The following PDE10A variants were observed in gnomAD, a reference collection of about 807,000 sequenced individuals.
PDE10A encodes the protein cAMP and cAMP-inhibited cGMP 3',5'-cyclic phosphodiesterase 10A.
Under a neutral mutation model 97.7 loss-of-function variants are expected in PDE10A, and 39 were observed. The ratio of observed to expected loss-of-function variants is 0.40; its 90% CI spans 0.31 to 0.52. The LOEUF is 0.52. PDE10A is among the 20% of genes least tolerant of loss of function. The pLI is 0.56. For synonymous variants in PDE10A, 371 were observed against 376.8 expected, an observed-to-expected ratio of 0.98 and a Z score of 0.18; for missense variants, 731 against 1,047.8, an observed-to-expected ratio of 0.70 and a Z score of 4.17.
At chr6:165,733,238 C>T (rs1427073580) in intron 1 of PDE10A, among the ~76,000 whole-genome samples, 1 of 152,156 alleles carries the variant, frequency 6.6e-6, no homozygotes, top group African/African-American at 2.4e-5. Flanking sequence ...CCAACATGGA[C>T]CTATTGTATT....
At chr6:165,394,747 A>C (rs1786006604) in intron 15 of PDE10A, among the ~76,000 whole-genome samples, 1 of 152,136 alleles carries the variant, frequency 6.6e-6, no homozygotes, top group African/African-American at 2.4e-5. Flanking sequence ...CTGACTCTTT[A>C]ATGATCGCCA....
In PDE10A at chr6:165,655,629, AT is replaced by A. The variant is rs1226797779; in HGVS notation, c.865+6317del. 6.6e-6 allele frequency among the ~76,000 whole-genome samples: 1 copy of A among 152,156 alleles called. No individual in the cohort carries two copies. Among genetic ancestry groups the A allele is most frequent in the East Asian group, 1.9e-4 (1 of 5,178 alleles). ...CTCTTGTCTTGACTATGACAGTAGCATCCATGGACTCCCTGTATCCACGACA... is the reference window on the plus strand; with the variant it reads ...CTCTTGTCTTGACTATGACAGTAGCACCATGGACTCCCTGTATCCACGACA... On this transcript the variant is annotated intron_variant, in intron 1 of 21. Transcript: ENST00000539869. The surrounding 1 kb of genome is among the most constrained non-coding windows in gnomAD (Gnocchi z 4.5).
chr6:165,567,993 CATTTTTTTTT>C (rs1784860364), intron 1 of PDE10A, among the ~76,000 whole-genome samples: 2 of 115,602 alleles, frequency 1.7e-5, no homozygotes, highest in Middle Eastern at 0.011. Flanking sequence ...CGCAACAAGG[CATTTTTTTTT>C]TTTTTTTTTT....
intron 1 of PDE10A, among the ~76,000 whole-genome samples, chr6:165,586,694 A>G (rs955412169): frequency 1.3e-5 from 2 of 152,230 alleles, no homozygotes; most frequent in Non-Finnish European, 2.9e-5. Flanking sequence ...AGTAACGTCT[A>G]GAAGCCACCA....
At chr6:165,395,049 A>G (rs956632676) in intron 15 of PDE10A, 132 bp downstream of exon 15, 43 of 551,986 alleles carry the variant, frequency 7.8e-5, no homozygotes, top group African/African-American at 3.5e-4. Context: ...AATATTTAGG[A>G]AAAAAAGTAA....
intron 2 of PDE10A, among the ~76,000 whole-genome samples, chr6:165,487,960 G>A (rs1423398550): frequency 2.2e-5 from 3 of 139,172 alleles, no homozygotes; most frequent in Non-Finnish European, 4.6e-5. Context: ...TAAAAAGTTA[G>A]AGGAACATGG....
At chr6:165,450,205 C>CG (rs1201546623) in intron 4 of PDE10A, 37 bp downstream of exon 4, 5 of 1,331,272 alleles carry the variant, frequency 3.8e-6, no homozygotes, top group Non-Finnish European at 4.8e-6. Flanking sequence ...AGAATCTTTG[C>CG]CCATTTTTTC....
At chr6:165,464,410 T>A (rs1426871953) in intron 3 of PDE10A, among the ~76,000 whole-genome samples, 2 of 152,180 alleles carry the variant, frequency 1.3e-5, no homozygotes, top group African/African-American at 2.4e-5. Context: ...GCTGTCAATA[T>A]CCTTAACATA....
At chr6:165,398,915 C>T (rs1043235852) in intron 13 of PDE10A, among the ~76,000 whole-genome samples, 4 of 152,064 alleles carry the variant, frequency 2.6e-5, no homozygotes, top group African/African-American at 9.7e-5. Flanking sequence ...TATCAGCCAA[C>T]TATATACTGC....
intron 2 of PDE10A, among the ~76,000 whole-genome samples, chr6:165,485,766 G>A (rs1779879594): frequency 6.6e-6 from 1 of 151,866 alleles, no homozygotes; most frequent in Admixed American, 6.6e-5. Context: ...CTAATTTTTT[G>A]TATTTTTAGT....
chr6:165,426,730 G>A (rs1789190777), intron 10 of PDE10A, among the ~76,000 whole-genome samples: 1 of 152,080 alleles, frequency 6.6e-6, no homozygotes, highest in Non-Finnish European at 1.5e-5. Flanking sequence ...TATGAGACAA[G>A]GGAGTTACAG....
chr6:165,633,908 G>A (rs1174753605), intron 1 of PDE10A, among the ~76,000 whole-genome samples: 1 of 151,496 alleles, frequency 6.6e-6, no homozygotes, highest in Non-Finnish European at 1.5e-5. Context: ...AGATATTTTT[G>A]AAGTGATATA....
At chr6:165,705,038 G>A (rs555723164) in intron 1 of PDE10A, among the ~76,000 whole-genome samples, 1 of 152,192 alleles carries the variant, frequency 6.6e-6, no homozygotes, top group Non-Finnish European at 1.5e-5. Flanking sequence ...CTCAAAGCAC[G>A]AGCCCTGTTC....
chr6:165,573,273 TG>T (rs1785137754), intron 1 of PDE10A, among the ~76,000 whole-genome samples: 1 of 50,084 alleles, frequency 2.0e-5, no homozygotes, highest in African/African-American at 6.8e-5. Flanking sequence ...TTCTGATGTC[TG>T]GGTTTTTTTT....
At chr6:165,718,841 C>T (rs899664665) in intron 1 of PDE10A, among the ~76,000 whole-genome samples, 2 of 151,796 alleles carry the variant, frequency 1.3e-5, no homozygotes, top group African/African-American at 4.8e-5. Flanking sequence ...AAGCTTCCAA[C>T]AAGAATGACT....
At chr6:165,691,588 C>T (rs867160885) in intron 1 of PDE10A, among the ~76,000 whole-genome samples, 1,791 of 51,692 alleles carry the variant, frequency 0.035, 28 homozygotes, top group African/African-American at 0.061. Flanking sequence ...CATGCACGCG[C>T]GCGCACACAC....
Position 165,662,069 on chromosome 6 carries a change from G to A in PDE10A, c.743C>T (p.Pro248Leu). ...PGGGGQTPRRPQGASFALAAA... is the reference protein window; with the variant it reads ...PGGGGQTPRRLQGASFALAAA... Reference sequence around the variant, plus strand: ...GGCGAGGGCGAAGCTGGCGCCCTGGGGACGCCGCGGAGTTTGGCCGCCGCC... The same window carrying A: ...GGCGAGGGCGAAGCTGGCGCCCTGGAGACGCCGCGGAGTTTGGCCGCCGCC... Residue 248 changes from proline to leucine, a missense_variant, in exon 1 of 22, where the codon CCC (proline) becomes CTC (leucine). Transcript: ENST00000539869. 1 of 1,383,032 alleles carries A rather than the reference G, an allele frequency of 7.2e-7. No individual in the cohort carries two copies. The highest frequency in any genetic ancestry group is 9.5e-7 in the Non-Finnish European group (1 of 1,053,548). 85.7% of individuals were successfully genotyped at this position (1,383,032 alleles called of 1,614,324 possible). A position where few individuals can be genotyped will look rare whatever the true frequency, so the allele number is the denominator to read the frequency against.
Position 165,958,498 on chromosome 6 carries a change from CAAGA to C in PDE10A, c.-615+29027_-615+29030del, listed in dbSNP as rs1379022208. Among the ~76,000 whole-genome samples, 484 of 57,782 alleles carry C rather than the reference CAAGA, an allele frequency of 8.4e-3. 17 individuals are homozygous for C. The highest frequency in any genetic ancestry group is 0.031 in the Middle Eastern group (3 of 98). 37.9% of individuals were successfully genotyped at this position (57,782 alleles called of 152,430 possible). The stretch of plus-strand genomic sequence containing the variant: ...AAAGAAAGAGAGAAAGAGAGAAAGA[CAAGA>C]AAGAAAGAAAGAAAGAAAGAAAGAA... On this transcript the variant is annotated intron_variant, in intron 1 of 19. Transcript: ENST00000366882.
intron 1 of PDE10A, among the ~76,000 whole-genome samples, chr6:165,800,738 C>A (rs956236035): frequency 1.3e-5 from 2 of 152,194 alleles, no homozygotes; most frequent in Non-Finnish European, 2.9e-5. Context: ...ACGACTACAA[C>A]GCAGAGCCCA....
Sources: gnomAD v4.1 joint callset for allele counts (sites outside exome capture counted in the v4.1 genomes callset) on GRCh38, gnomAD v4.1.1 for gene constraint, Gnocchi (gnomAD v3.1) non-coding constraint, MANE v1.5 for transcripts, NCBI Gene and HGNC (gene_info 2026-07-23, HGNC 2026-07-21) for gene names.